CGNL1: variants seen among roughly 807,000 people sequenced by gnomAD.
The protein encoded by CGNL1 is cingulin-like protein 1.
CGNL1 carries 132 observed loss-of-function variants against 141.2 expected under a neutral mutation model. The observed-to-expected ratio is 0.93, with a 90% confidence interval of 0.81 to 1.08. The LOEUF (loss-of-function observed/expected upper bound fraction) is 1.08, where lower values mean the gene tolerates loss of function less well. Among genes scored for constraint, CGNL1 ranks in the 50% least tolerant of loss-of-function variants. The pLI is 0.00. For missense variants in CGNL1, 1,870 were observed against 1,588.6 expected (o/e 1.18, Z -3.01); for synonymous variants, 690 against 622.1 (o/e 1.11, Z -1.63).
chr15:57,444,907 A>G (rs1252328031), intron 4 of CGNL1, among the ~76,000 whole-genome samples: 1 of 152,114 alleles, frequency 6.6e-6, no homozygotes, highest in Non-Finnish European at 1.5e-5. Context: ...GTGTTTGTGA[A>G]AGTTTATTCC....
chr15:57,537,859 A>G (rs185141718), intron 14 of CGNL1, among the ~76,000 whole-genome samples: 29 of 152,354 alleles, frequency 1.9e-4, no homozygotes, highest in Admixed American at 5.9e-4. Context: ...TTGACTGGAA[A>G]GTTTTTGTTT....
intron 1 of CGNL1, among the ~76,000 whole-genome samples, chr15:57,394,844 G>A (rs774301937): frequency 1.1e-4 from 16 of 152,204 alleles, no homozygotes; most frequent in Non-Finnish European, 1.6e-4. Context: ...GGGCGCAGTG[G>A]CTCATGCCTG....
At chr15:57,410,392 T>C (rs1195269348) in intron 1 of CGNL1, among the ~76,000 whole-genome samples, 1 of 152,218 alleles carries the variant, frequency 6.6e-6, no homozygotes, top group Non-Finnish European at 1.5e-5. Context: ...TATACCACCA[T>C]TGGGCTGTAT....
At position 57,438,393 on chromosome 15, in the gene CGNL1, C is replaced by T. The variant is rs375993774; in HGVS notation, c.394C>T (p.Arg132Cys). The change falls in exon 2 of 19, where the codon CGC (arginine) becomes TGC (cysteine). Residue 132 changes from arginine to cysteine, a missense_variant. By Grantham distance (180) the Arg-to-Cys change is radical. Coordinates refer to ENST00000281282, the MANE Select transcript of CGNL1 (RefSeq NM_032866.5). ...LHEGKNGVLDRKDGSVKPSHL... is the reference protein window; with the variant it reads ...LHEGKNGVLDCKDGSVKPSHL... ...TGAGGGCAAGAATGGAGTTCTAGAT[C>T]GCAAAGACGGGTCTGTGAAGCCATC... 16 of 1,614,034 alleles carry T rather than the reference C, an allele frequency of 9.9e-6. No individual in the cohort carries two copies. The highest frequency in any genetic ancestry group is 3.3e-4 in the Middle Eastern group (2 of 6,084).
chr15:57,400,991 C>A (rs2062654748), intron 1 of CGNL1, among the ~76,000 whole-genome samples: 1 of 149,958 alleles, frequency 6.7e-6, no homozygotes, highest in Non-Finnish European at 1.5e-5. Context: ...CATCTCTAGT[C>A]ATAACTACGC....
chr15:57,525,637 A>T (rs1263278455), intron 12 of CGNL1, among the ~76,000 whole-genome samples: 1 of 152,200 alleles, frequency 6.6e-6, no homozygotes, highest in Admixed American at 6.5e-5. Context: ...CAGTGCCGAG[A>T]GCACCAAGAT....
intron 4 of CGNL1, among the ~76,000 whole-genome samples, chr15:57,450,362 C>T (rs2063307518): frequency 6.6e-6 from 1 of 152,178 alleles, no homozygotes; most frequent in Non-Finnish European, 1.5e-5. Flanking sequence ...CTGCAACCTC[C>T]ACTTCGTGGG....
intron 16 of CGNL1, among the ~76,000 whole-genome samples, chr15:57,545,072 C>A (rs1389779065): frequency 6.6e-6 from 1 of 152,186 alleles, no homozygotes; most frequent in Non-Finnish European, 1.5e-5. Context: ...GAGCACACTC[C>A]TTTCCAGCAA....
At chr15:57,501,109 C>T (rs958299803) in intron 8 of CGNL1, among the ~76,000 whole-genome samples, 1 of 152,142 alleles carries the variant, frequency 6.6e-6, no homozygotes, top group Non-Finnish European at 1.5e-5. Context: ...AACCTTGGAT[C>T]GTGATTGTGC....
At chr15:57,539,137 G>T (rs1471966752) in intron 14 of CGNL1, among the ~76,000 whole-genome samples, 1 of 152,058 alleles carries the variant, frequency 6.6e-6, no homozygotes, top group East Asian at 1.9e-4. Context: ...TCTGCTGGCC[G>T]TTTATTGTCT....
intron 1 of CGNL1, among the ~76,000 whole-genome samples, chr15:57,380,878 A>C (rs1018530904): frequency 6.6e-6 from 1 of 152,222 alleles, no homozygotes; most frequent in Non-Finnish European, 1.5e-5. Flanking sequence ...AGGAGAATGC[A>C]AAGTGCAGTG....
rs188489212 is a variant in CGNL1, at chr15:57,525,787, A to G, written c.3039+1036A>G. On this transcript the variant is annotated intron_variant, in intron 12 of 18. Coordinates refer to ENST00000281282, the MANE Select transcript of CGNL1 (RefSeq NM_032866.5). The stretch of plus-strand genomic sequence containing the variant: ...TGCAGGCTTCTAGAACACTCTTGAA[A>G]GGCCCCTGATAATGGATCCCCTTTG... Among the ~76,000 whole-genome samples the G allele has an allele frequency of 5.9e-5, 9 of 152,282 alleles. No individual in the cohort carries two copies. The East Asian group carries it at 1.7e-3, about 29-fold the overall frequency.
chr15:57,489,395 G>A lies in CGNL1; in HGVS notation c.2404-27385G>A, dbSNP rs576315041. Among the ~76,000 whole-genome samples the A allele has an allele frequency of 5.1e-4, 78 of 152,192 alleles. 1 individual carries two copies. Among genetic ancestry groups the A allele is most frequent in the Admixed American group, 9.2e-4 (14 of 15,290 alleles). Reference sequence around the variant, plus strand: ...GATTCTGGTAATTCTGCTTTTACTAGTTTAAAATTAAAATATTTAAATTTG... The same window carrying A: ...GATTCTGGTAATTCTGCTTTTACTAATTTAAAATTAAAATATTTAAATTTG... On this transcript the variant is annotated intron_variant, in intron 8 of 18. Transcript: ENST00000281282.
chr15:57,545,964 C>G (rs188785100), intron 17 of CGNL1, 112 bp from the exon 18 acceptor site: 2 of 1,197,048 alleles, frequency 1.7e-6, no homozygotes, highest in Non-Finnish European at 2.4e-6. Flanking sequence ...GACTGGCTGC[C>G]CCATTGCCCA....
intron 8 of CGNL1, among the ~76,000 whole-genome samples, chr15:57,486,060 G>A (rs2063781110): frequency 6.6e-6 from 1 of 152,158 alleles, no homozygotes; most frequent in South Asian, 2.1e-4. Flanking sequence ...CAGAAGTGAG[G>A]GTGAGTCAGG....
chr15:57,524,472 G>T, intron 11 of CGNL1, 109 bp from the exon 12 acceptor site: 2 of 1,026,382 alleles, frequency 1.9e-6, no homozygotes, highest in Non-Finnish European at 2.9e-6. Context: ...TCTTTGAGGG[G>T]GCCATAGAAG....
At chr15:57,406,557 A>G (rs2062725423) in intron 1 of CGNL1, among the ~76,000 whole-genome samples, 1 of 152,224 alleles carries the variant, frequency 6.6e-6, no homozygotes, top group East Asian at 1.9e-4. Flanking sequence ...TTCTGCAATC[A>G]TGCGAAGTGG....
chr15:57,510,173 C>G (rs989396421), intron 8 of CGNL1, among the ~76,000 whole-genome samples: 1 of 152,122 alleles, frequency 6.6e-6, no homozygotes, highest in Non-Finnish European at 1.5e-5. Context: ...GAAGTCCTTC[C>G]CTTTTGGGAA....
chr15:57,529,559 A>AACACACACACACACACACACAC (rs10593466), intron 13 of CGNL1, among the ~76,000 whole-genome samples: 16 of 138,006 alleles, frequency 1.2e-4, no homozygotes, highest in African/African-American at 4.0e-4. Context: ...AACCCCCAGA[A>AACACACACACACACACACACAC]ACACACACAC....
Sources: allele counts gnomAD v4.1 joint callset (sites outside exome capture counted in the v4.1 genomes callset), GRCh38; gene constraint gnomAD v4.1.1; transcripts MANE v1.5; gene names NCBI Gene and HGNC (gene_info 2026-07-23, HGNC 2026-07-21).